Variants in SLC67A2 observed in about 807,000 individuals in gnomAD.
SLC67A2 encodes the protein solute carrier family 67 member 2.
the SLC67A2 span, chr2:102,718,455 T>C: frequency 2.5e-6 from 4 of 1,614,018 alleles, no homozygotes; most frequent in East Asian, 2.2e-5. Context: ...CCATCACCAC[T>C]AGAGTGTCGC....
At chr2:102,730,104 T>C in the SLC67A2 span, among the ~76,000 whole-genome samples, 1 of 152,286 alleles carries the variant, frequency 6.6e-6, no homozygotes, top group African/African-American at 2.4e-5. Context: ...GTGATCACAG[T>C]AGACATTACA....
the SLC67A2 span, chr2:102,727,112 C>T: frequency 6.1e-5 from 52 of 845,676 alleles, no homozygotes; most frequent in African/African-American, 8.6e-4. Flanking sequence ...TCCATGATGC[C>T]ATTTGTCAGA....
At chr2:102,717,954 G>T in the SLC67A2 span, 2 of 158,808 alleles carry the variant, frequency 1.3e-5, no homozygotes, top group African/African-American at 4.8e-5. Context: ...CCCTCCTAGT[G>T]TATGGAATTT....
chr2:102,719,171 G>A, the SLC67A2 span: 59 of 1,613,282 alleles, frequency 3.7e-5, no homozygotes, highest in South Asian at 8.8e-5. Context: ...TGTACTGCCC[G>A]GTTTTGCTTC....
chr2:102,729,219 A>C, the SLC67A2 span, among the ~76,000 whole-genome samples: 1 of 152,216 alleles, frequency 6.6e-6, no homozygotes, highest in Non-Finnish European at 1.5e-5. Flanking sequence ...GTTCTGTGTA[A>C]GTACAAACAT....
chr2:102,718,304 C>T, the SLC67A2 span: 2 of 1,298,908 alleles, frequency 1.5e-6, no homozygotes, highest in African/African-American at 1.5e-5. Flanking sequence ...CAGCTCACAC[C>T]CACCCGGAAA....
chr2:102,714,812 G>A, the SLC67A2 span, among the ~76,000 whole-genome samples: 1 of 152,082 alleles, frequency 6.6e-6, no homozygotes, highest in Admixed American at 6.5e-5. Context: ...AGGCTACTAG[G>A]GGGCAAAGAG....
the SLC67A2 span, among the ~76,000 whole-genome samples, chr2:102,720,874 G>C: frequency 6.6e-6 from 1 of 152,160 alleles, no homozygotes. Context: ...GTCATTCAGG[G>C]GTAAAGGATG....
At chr2:102,724,832 T>C in the SLC67A2 span, among the ~76,000 whole-genome samples, 1 of 152,186 alleles carries the variant, frequency 6.6e-6, no homozygotes, top group Non-Finnish European at 1.5e-5. Context: ...TCAAAAGTAG[T>C]GTGGTTGTGT....
chr2:102,724,606 A>G, the SLC67A2 span, among the ~76,000 whole-genome samples: 51 of 152,240 alleles, frequency 3.3e-4, no homozygotes, highest in Non-Finnish European at 4.3e-4. Context: ...ACTTGCAAAC[A>G]TGCTGACAGA....
At chr2:102,736,588 G>A in the SLC67A2 span, 1 of 1,613,088 alleles carries the variant, frequency 6.2e-7, no homozygotes, top group East Asian at 2.2e-5. Context: ...AGAACCGCCT[G>A]GGTCCCCAGG....
the SLC67A2 span, among the ~76,000 whole-genome samples, chr2:102,736,292 T>A: frequency 1.3e-5 from 2 of 152,024 alleles, no homozygotes; most frequent in African/African-American, 4.8e-5. Flanking sequence ...CAGCTGGGCT[T>A]TTCCAAGCTT....
the SLC67A2 span, among the ~76,000 whole-genome samples, chr2:102,732,930 A>C: frequency 6.6e-6 from 1 of 152,348 alleles, no homozygotes; most frequent in African/African-American, 2.4e-5. Context: ...GGGGTCAGGC[A>C]GACAGTTCTC....
the SLC67A2 span, among the ~76,000 whole-genome samples, chr2:102,725,918 G>C: frequency 6.6e-6 from 1 of 152,072 alleles, no homozygotes; most frequent in Admixed American, 6.5e-5. Context: ...TGTCAAGCAG[G>C]GTAGCAAAGC....
At chr2:102,732,601 T>C in the SLC67A2 span, among the ~76,000 whole-genome samples, 1 of 152,192 alleles carries the variant, frequency 6.6e-6, no homozygotes, top group Non-Finnish European at 1.5e-5. Context: ...TGACCTGGGA[T>C]CCGTTTTAAC....
the SLC67A2 span, among the ~76,000 whole-genome samples, chr2:102,724,323 C>G: frequency 2.0e-5 from 3 of 152,116 alleles, no homozygotes; most frequent in African/African-American, 7.2e-5. Context: ...TACTCTATGG[C>G]CAGCCCTAAG....
At chr2:102,718,946 A>G in the SLC67A2 span, 1 of 1,614,244 alleles carries the variant, frequency 6.2e-7, no homozygotes, top group Non-Finnish European at 8.5e-7. Context: ...GTAGTACAGC[A>G]TGACTGCCAT....
the SLC67A2 span, among the ~76,000 whole-genome samples, chr2:102,735,279 C>G: frequency 6.6e-6 from 1 of 152,298 alleles, no homozygotes; most frequent in East Asian, 1.9e-4. Flanking sequence ...AAAAAGCCGC[C>G]CTCCCTGAAG....
chr2:102,718,929 A>G, the SLC67A2 span: 109 of 1,614,118 alleles, frequency 6.8e-5, no homozygotes, highest in Non-Finnish European at 8.9e-5. Flanking sequence ...GCCAGGACAA[A>G]GTTACTGTAG....
Sources: allele counts gnomAD v4.1 joint callset (sites outside exome capture counted in the v4.1 genomes callset), GRCh38; gene constraint gnomAD v4.1.1; transcripts MANE v1.5; gene names NCBI Gene and HGNC (gene_info 2026-07-23, HGNC 2026-07-21).